DNAH6: variants seen among roughly 807,000 people sequenced by gnomAD.
The protein encoded by DNAH6 is dynein axonemal heavy chain 6.
In DNAH6, 340 loss-of-function variants were observed where a neutral mutation model predicts 491.4. The ratio of observed to expected loss-of-function variants is 0.69; its 90% CI spans 0.63 to 0.76. The LOEUF (loss-of-function observed/expected upper bound fraction) is 0.76, where lower values mean the gene tolerates loss of function less well. Among genes scored for constraint, DNAH6 ranks in the 30% least tolerant of loss-of-function variants. DNAH6 has a pLI of 0.00. For missense variants in DNAH6, 4,443 were observed against 4,972.2 expected (o/e 0.89, Z 3.20); for synonymous variants, 1,603 against 1,686.1 (o/e 0.95, Z 1.21).
At chr2:84,592,364 TCAG>T (rs1431112738) in intron 16 of DNAH6, among the ~76,000 whole-genome samples, 2,168 of 152,010 alleles carry the variant, frequency 0.014, 53 homozygotes, top group African/African-American at 0.05. Flanking sequence ...TCAATAATCA[TCAG>T]GAAAATTAAA....
At position 84,701,273 on chromosome 2, in the gene DNAH6, C is replaced by T. The variant is rs1171161008; in HGVS notation, c.7995C>T (p.Thr2665=). 6.4e-7 allele frequency: 1 copy of T among 1,551,916 alleles called. No homozygotes were observed. The highest frequency in any genetic ancestry group is 1.7e-4 in the Middle Eastern group (1 of 5,994). ...GCAGGCGGTACTACACGACACCCACCTCCTACCTGGAGCTTATCAATCTTT... is the reference window on the plus strand; with the variant it reads ...GCAGGCGGTACTACACGACACCCACTTCCTACCTGGAGCTTATCAATCTTT... ...ELRRRYYTTP[T]SYLELINLYL... Residue 2665 remains threonine (T), a synonymous_variant, in exon 49 of 77, where the codon ACC becomes ACT. Coordinates refer to ENST00000389394, the MANE Select transcript of DNAH6 (RefSeq NM_001370.2).
intron 33 of DNAH6, among the ~76,000 whole-genome samples, chr2:84,642,721 G>A (rs1573333299): frequency 6.6e-6 from 1 of 151,950 alleles, no homozygotes; most frequent in East Asian, 1.9e-4. Context: ...GGAAGTGTGA[G>A]TACCTTATAA....
In DNAH6 at chr2:84,706,972, C is replaced by A; in HGVS notation, c.8804C>A (p.Ala2935Asp). 6.5e-7 allele frequency: 1 copy of A among 1,538,902 alleles called. No individual in the cohort carries two copies. The highest frequency in any genetic ancestry group is 2.5e-5 in the East Asian group (1 of 40,280). Residue 2935 changes from alanine to aspartate, a missense_variant, in exon 53 of 77, where the codon GCC becomes GAC. Ala to Asp is a moderately radical substitution (Grantham distance 126). Transcript: ENST00000389394. The stretch of plus-strand genomic sequence containing the variant: ...AGACAAGTAGAAGATCAAATACAGG[C>A]CTTACAAGATGAATATGACAAAGGT... ...LLRQVEDQIQ[A>D]LQDEYDKGVN...
intron 21 of DNAH6, among the ~76,000 whole-genome samples, chr2:84,608,822 C>T (rs1686032553): frequency 6.6e-6 from 1 of 152,170 alleles, no homozygotes; most frequent in African/African-American, 2.4e-5. Flanking sequence ...CAGGCATTGG[C>T]TAATCTTCAT....
chr2:84,601,997 A>T (rs761867179), intron 18 of DNAH6, among the ~76,000 whole-genome samples: 1 of 152,076 alleles, frequency 6.6e-6, no homozygotes, highest in Non-Finnish European at 1.5e-5. Context: ...TAAAGACCTT[A>T]TAATAGTACA....
the DNAH6 span, among the ~76,000 whole-genome samples, chr2:84,484,711 G>A: frequency 2.6e-5 from 4 of 152,128 alleles, no homozygotes; most frequent in East Asian, 1.9e-4. Flanking sequence ...GGGCCTACAT[G>A]AATAATCTGA....
At chr2:84,609,938 T>G (rs1422924912) in intron 21 of DNAH6, among the ~76,000 whole-genome samples, 1 of 152,128 alleles carries the variant, frequency 6.6e-6, no homozygotes, top group African/African-American at 2.4e-5. Flanking sequence ...TACTACAAAC[T>G]TAAACAATAT....
intron 62 of DNAH6, among the ~76,000 whole-genome samples, chr2:84,735,366 G>A (rs1699453808): frequency 6.6e-6 from 1 of 152,144 alleles, no homozygotes; most frequent in Admixed American, 6.5e-5. Context: ...CATGAGTGCG[G>A]GTGTGTTTTG....
At chr2:84,627,162 C>T (rs569430152) in intron 29 of DNAH6, among the ~76,000 whole-genome samples, 1 of 152,322 alleles carries the variant, frequency 6.6e-6, no homozygotes, top group East Asian at 1.9e-4. Flanking sequence ...CCTACTTAAT[C>T]AGAACTTTGG....
rs565725766 is a variant in DNAH6 at position 84,769,230 on chromosome 2, A to G, written c.10703+6285A>G. ...GCTGCAGCCAGAGCGGGCAACCAAG[A>G]TAAAGACAGAGCAGCCAGAGAATAA... On this transcript the variant is annotated intron_variant, in intron 64 of 76. Transcript: ENST00000389394. 6.6e-5 allele frequency among the ~76,000 whole-genome samples: 10 copies of G among 152,348 alleles called. 1 individual carries two copies. Among genetic ancestry groups the G allele is most frequent in the African/African-American group, 2.4e-4 (10 of 41,586 alleles).
chr2:84,576,814 C>T (rs1682495073), intron 12 of DNAH6, among the ~76,000 whole-genome samples: 1 of 152,128 alleles, frequency 6.6e-6, no homozygotes, highest in East Asian at 1.9e-4. Flanking sequence ...GGAAGAGAAA[C>T]AGAGATAATT....
intron 18 of DNAH6, among the ~76,000 whole-genome samples, chr2:84,601,120 A>G (rs1263832163): frequency 6.9e-6 from 1 of 145,810 alleles, no homozygotes; most frequent in East Asian, 1.9e-4. Flanking sequence ...GAAATATACA[A>G]GATGAACCTG....
chr2:84,544,573 G>T, intron 5 of DNAH6, 73 bp downstream of exon 5: 1 of 820,504 alleles, frequency 1.2e-6, no homozygotes, highest in African/African-American at 1.7e-5. Context: ...TAAGCTGTTG[G>T]TATAGACTGT....
chr2:84,710,463 A>C, intron 56 of DNAH6, 51 bp downstream of exon 56: 1 of 1,537,980 alleles, frequency 6.5e-7, no homozygotes, highest in Non-Finnish European at 8.8e-7. Context: ...TTCAAATCAT[A>C]TCTGGAATCC....
At chr2:84,719,428 C>A (rs1697870936) in intron 59 of DNAH6, among the ~76,000 whole-genome samples, 1 of 152,152 alleles carries the variant, frequency 6.6e-6, no homozygotes, top group African/African-American at 2.4e-5. Context: ...AAATAGCATT[C>A]CGTGCCTTCT....
chr2:84,669,469 A>G lies in DNAH6; in HGVS notation c.6265A>G (p.Lys2089Glu), dbSNP rs757705604. The G allele has an allele frequency of 4.8e-5, 75 of 1,551,772 alleles. No homozygotes were observed. In the Middle Eastern group the frequency reaches 6.6e-4, roughly 14 times the overall value. ...GYLMEKLLAV[K>E]HSVLFTGITG... ...TCTAATGGAAAAACTACTGGCAGTC[A>G]AGCATTCCGTGTTGTTTACTGGAAT... Residue 2089 changes from lysine (K) to glutamate (E), a missense_variant, in exon 38 of 77, where the codon AAG (lysine) becomes GAG (glutamate). Around this residue, in one of 3 missense-constraint regions of DNAH6, gnomAD observed 2,977 missense variants for 3,296.6 expected, o/e 0.90. Coordinates refer to ENST00000389394, the MANE Select transcript of DNAH6 (RefSeq NM_001370.2).
chr2:84,647,697 C>A (rs1690032375), intron 33 of DNAH6, among the ~76,000 whole-genome samples: 2 of 152,180 alleles, frequency 1.3e-5, no homozygotes, highest in African/African-American at 2.4e-5. Flanking sequence ...TACTCGCTGG[C>A]AGCACTTGTG....
intron 22 of DNAH6, among the ~76,000 whole-genome samples, chr2:84,614,262 C>G (rs1286169782): frequency 2.0e-5 from 3 of 152,088 alleles, no homozygotes; most frequent in Non-Finnish European, 4.4e-5. Context: ...TTAGCTCCCA[C>G]TTATGAGTGA....
At chr2:84,677,352 G>A (rs1269316688) in intron 41 of DNAH6, among the ~76,000 whole-genome samples, 1 of 152,186 alleles carries the variant, frequency 6.6e-6, no homozygotes, top group East Asian at 1.9e-4. Flanking sequence ...TTCTAGAAAT[G>A]CAGAAAGATT....
Sources: gnomAD v4.1 joint callset for allele counts (sites outside exome capture counted in the v4.1 genomes callset) on GRCh38, gnomAD v4.1.1 for gene constraint, gnomAD v4.1.1 regional missense constraint, MANE v1.5 for transcripts, NCBI Gene and HGNC (gene_info 2026-07-23, HGNC 2026-07-21) for gene names.